MVP: variants seen among roughly 807,000 people sequenced by gnomAD.
MVP encodes lung resistance-related protein.
In MVP, 62 loss-of-function variants were observed where a neutral mutation model predicts 83.5. That is an observed-to-expected ratio of 0.74 (90% CI 0.61 to 0.92). MVP has a LOEUF of 0.92. MVP is among the 40% of genes least tolerant of loss of function. The pLI is 0.00. For synonymous variants in MVP, 505 were observed against 504.1 expected (o/e 1.00, Z -0.02); for missense variants, 1,000 against 1,203.4 (o/e 0.83, Z 2.50).
rs747959219 is a variant in MVP at position 29,830,622 on chromosome 16, G to A, written c.73G>A (p.Val25Met). 4.3e-6 allele frequency: 7 copies of A among 1,613,956 alleles called. No individual in the cohort carries two copies. The highest frequency in any genetic ancestry group is 1.3e-5 in the African/African-American group (1 of 74,882). ...YIHVLDQNSN[V>M]SRVEVGPKTY... ...CCATGTGCTGGACCAGAACAGCAAC[G>A]TGTCCCGTGTGGAGGTCGGGCCAAA... is the stretch of plus-strand genomic sequence containing the variant. Residue 25 changes from valine to methionine, a missense_variant, in exon 2 of 15, where the codon GTG (valine) becomes ATG (methionine). Coordinates refer to ENST00000357402, the MANE Select transcript of MVP (RefSeq NM_005115.5).
chr16:29,843,982 C>T (rs928558802), intron 10 of MVP, among the ~76,000 whole-genome samples: 20 of 152,144 alleles, frequency 1.3e-4, no homozygotes, highest in Non-Finnish European at 1.9e-4. Flanking sequence ...AGACAGCTGC[C>T]GACATATTCC....
intron 1 of MVP, chr16:29,830,172 A>C: frequency 5.4e-6 from 1 of 184,480 alleles, no homozygotes; most frequent in Non-Finnish European, 1.2e-5. Flanking sequence ...TCTCCACCGT[A>C]AGAGACTGGG....
chr16:29,839,871 G>C (rs1022207573), intron 7 of MVP, among the ~76,000 whole-genome samples: 1 of 148,172 alleles, frequency 6.7e-6, no homozygotes, highest in Non-Finnish European at 1.5e-5. Context: ...ACCATCTCTA[G>C]AAAACAAAGC....
In MVP at chr16:29,845,909, C is replaced by A; in HGVS notation, c.2068C>A (p.Arg690=). The A allele has an allele frequency of 6.2e-7, 1 of 1,614,110 alleles. No individual in the cohort carries two copies. Among genetic ancestry groups the A allele is most frequent in the Non-Finnish European group, 8.5e-7 (1 of 1,180,018 alleles). The stretch of plus-strand genomic sequence containing the variant: ...GCAGGAAGCCCGCGGCCGGCTTGAG[C>A]GGCAGAAGATCCTGGACCAGTCAGA... The part of the protein sequence containing the change: ...LEQEARGRLE[R]QKILDQSEAE... Residue 690 remains arginine (R), a synonymous_variant, in exon 12 of 15, where the codon CGG becomes AGG. Coordinates refer to ENST00000357402, the MANE Select transcript of MVP (RefSeq NM_005115.5).
At chr16:29,826,213 C>T (rs966412054) in intron 1 of MVP, 1 of 152,246 alleles carries the variant, frequency 6.6e-6, no homozygotes, top group Non-Finnish European at 1.5e-5. Flanking sequence ...AGGCTCTGTT[C>T]CCAGTGCTTT....
At chr16:29,827,973 T>A (rs964501109) in intron 1 of MVP, among the ~76,000 whole-genome samples, 6 of 152,172 alleles carry the variant, frequency 3.9e-5, no homozygotes, top group African/African-American at 1.4e-4. Flanking sequence ...ATTTTATTTT[T>A]TTCCAAGACA....
chr16:29,840,030 C>T (rs1432351407), intron 7 of MVP, 148 bp from the exon 8 acceptor site: 4 of 728,494 alleles, frequency 5.5e-6, no homozygotes, highest in Non-Finnish European at 6.6e-6. Context: ...CAGACAGTGC[C>T]TCACCGTATT....
rs1321673852 is a variant in MVP, at chr16:29,840,321, C to A, written c.1053C>A (p.His351Gln). 1 of 1,612,680 alleles carries A rather than the reference C, an allele frequency of 6.2e-7. No individual in the cohort carries two copies. The highest frequency in any genetic ancestry group is 2.2e-5 in the East Asian group (1 of 44,866). The change falls in exon 8 of 15, where the codon CAC (histidine) becomes CAA (glutamine). Residue 351 changes from histidine to glutamine, a missense_variant. Transcript: ENST00000357402. ...EEGEDEEKVS[H>Q]QAGDHWLIRG... is the part of the protein sequence containing the mutation. ...GGGAGGATGAGGAGAAGGTCTCACA[C>A]CAGGCTGGGGACCACTGGCTCATCC...
chr16:29,830,303 GT>G (rs1367552296), intron 1 of MVP: 3 of 420,630 alleles, frequency 7.1e-6, no homozygotes, highest in Non-Finnish European at 1.3e-5. Flanking sequence ...GCATCAAGCA[GT>G]TCTTGGCAAA....
chr16:29,824,016 A>G (rs1311827109), intron 1 of MVP, among the ~76,000 whole-genome samples: 1 of 151,670 alleles, frequency 6.6e-6, no homozygotes, highest in Non-Finnish European at 1.5e-5. Context: ...AGGTGGGTGG[A>G]TCACTTCCAG....
intron 13 of MVP, 48 bp from the exon 14 acceptor site, chr16:29,847,149 T>G: frequency 6.3e-7 from 1 of 1,594,386 alleles, no homozygotes; most frequent in South Asian, 1.1e-5. Context: ...TGATCTGCAT[T>G]CCAGCCTGGG....
intron 7 of MVP, among the ~76,000 whole-genome samples, chr16:29,838,800 C>T (rs2067509275): frequency 6.6e-6 from 1 of 152,186 alleles, no homozygotes; most frequent in Admixed American, 6.5e-5. Context: ...GTACTCCAGC[C>T]TGAGGCAGTA....
intron 7 of MVP, among the ~76,000 whole-genome samples, chr16:29,839,620 C>T (rs993248962): frequency 6.6e-6 from 1 of 151,574 alleles, no homozygotes; most frequent in Admixed American, 6.6e-5. Flanking sequence ...CCATCATCTA[C>T]GAAGCACACA....
chr16:29,822,077 T>C (rs1472266448), intron 1 of MVP, among the ~76,000 whole-genome samples: 3 of 150,720 alleles, frequency 2.0e-5, no homozygotes, highest in Non-Finnish European at 4.4e-5. Context: ...GTGTGTGTGG[T>C]TGGGGTTTTG....
intron 7 of MVP, among the ~76,000 whole-genome samples, chr16:29,839,147 C>T (rs556870802): frequency 3.3e-5 from 5 of 152,296 alleles, no homozygotes; most frequent in Admixed American, 1.3e-4. Flanking sequence ...GAGATCCCAC[C>T]ACTGCACTCC....
At chr16:29,831,718 C>T (rs1406251680) in intron 3 of MVP, 1 of 456,098 alleles carries the variant, frequency 2.2e-6, no homozygotes, top group Non-Finnish European at 4.4e-6. Context: ...AGTTCATTCA[C>T]CCGGTGCCAG....
At chr16:29,837,140 C>A (rs1186550072) in intron 7 of MVP, among the ~76,000 whole-genome samples, 182 bp downstream of exon 7, 1 of 152,222 alleles carries the variant, frequency 6.6e-6, no homozygotes, top group African/African-American at 2.4e-5. Flanking sequence ...CTCTGACTTA[C>A]CCCTCAGACC....
Position 29,828,019 on chromosome 16 carries a change from G to A in MVP, c.-35-2496G>A, listed in dbSNP as rs897534927. On this transcript the variant is annotated intron_variant, in intron 1 of 14. Transcript: ENST00000357402. ...CTGTCGCCCAGGGCTGTAGTGCAATGGCGAGATCTTGGCTCACTGCAACCT... is the reference window on the plus strand; with the variant it reads ...CTGTCGCCCAGGGCTGTAGTGCAATAGCGAGATCTTGGCTCACTGCAACCT... Among the ~76,000 whole-genome samples the A allele has an allele frequency of 3.3e-5, 5 of 152,296 alleles. 1 individual carries two copies. The East Asian group carries it at 7.7e-4, about 24-fold the overall frequency.
At chr16:29,845,032 T>C (rs1232189973) in intron 11 of MVP, among the ~76,000 whole-genome samples, 153 bp downstream of exon 11, 1 of 151,870 alleles carries the variant, frequency 6.6e-6, no homozygotes, top group Admixed American at 6.6e-5. Flanking sequence ...CCACTTAAAA[T>C]GTGAATCAGG....
Sources: gnomAD v4.1 joint callset for allele counts (sites outside exome capture counted in the v4.1 genomes callset) on GRCh38, gnomAD v4.1.1 for gene constraint, MANE v1.5 for transcripts, NCBI Gene and HGNC (gene_info 2026-07-23, HGNC 2026-07-21) for gene names.